NGDN: variants seen among roughly 807,000 people sequenced by gnomAD.
The protein encoded by NGDN is neuroguidin, also known as EIF4E-binding protein.
A neutral mutation model predicts 45.2 loss-of-function variants in NGDN; 41 were observed. The observed-to-expected ratio is 0.91, with a 90% CI of 0.71 to 1.18. NGDN has a LOEUF of 1.18. Among genes scored for constraint, NGDN ranks in the 50% most tolerant of loss-of-function variants. NGDN has a pLI of 0.00. For synonymous variants in NGDN, 137 were observed against 130.9 expected, an observed-to-expected ratio of 1.05 and a Z score of -0.32; for missense variants, 402 against 399.9, an observed-to-expected ratio of 1.01 and a Z score of -0.05.
At chr14:23,474,503 G>C (rs1310019557) in intron 3 of NGDN, among the ~76,000 whole-genome samples, 1 of 152,038 alleles carries the variant, frequency 6.6e-6, no homozygotes, top group Admixed American at 6.6e-5. Flanking sequence ...TCTCACCCTA[G>C]GGGTAGCAGT....
At chr14:23,469,855 C>G (rs1893731180) in intron 1 of NGDN, 128 bp downstream of exon 1, 2 of 1,349,030 alleles carry the variant, frequency 1.5e-6, no homozygotes, top group African/African-American at 2.9e-5. Flanking sequence ...GGCGGCCTCC[C>G]TAGAGTTACC....
At chr14:23,473,656 CTCTTAAA>C (rs1328658590) in intron 3 of NGDN, among the ~76,000 whole-genome samples, 2 of 152,038 alleles carry the variant, frequency 1.3e-5, no homozygotes, top group African/African-American at 2.4e-5. Flanking sequence ...GAAACCCCGT[CTCTTAAA>C]TCTTAAACAA....
chr14:23,473,991 C>G (rs1000677117), intron 3 of NGDN, among the ~76,000 whole-genome samples: 2 of 137,062 alleles, frequency 1.5e-5, no homozygotes, highest in Non-Finnish European at 3.0e-5. Context: ...TGAGCCGAGA[C>G]AGTGCCACTG....
Position 23,470,896 on chromosome 14 carries a change from C to G in NGDN, c.73-10C>G, listed in dbSNP as rs1437844897. 29 of 1,560,016 alleles carry G rather than the reference C, an allele frequency of 1.9e-5. No individual in the cohort carries two copies. The highest frequency in any genetic ancestry group is 2.2e-5 in the Non-Finnish European group (26 of 1,158,210). ...AATCTAATCACTTGTTTTATTTGGGCTAATTTCAGGTGATGGCTGTAACTG... is the reference window on the plus strand; with the variant it reads ...AATCTAATCACTTGTTTTATTTGGGGTAATTTCAGGTGATGGCTGTAACTG... On this transcript the variant is annotated splice_polypyrimidine_tract_variant and intron_variant, in intron 2 of 10. Transcript: ENST00000408901.
intron 1 of NGDN, 27 bp downstream of exon 1, chr14:23,469,754 C>G: frequency 6.2e-7 from 1 of 1,613,980 alleles, no homozygotes; most frequent in Non-Finnish European, 8.5e-7. Context: ...TTCTTCCTCG[C>G]GTAGCTATTG....
chr14:23,476,019 TC>T lies in NGDN; in HGVS notation c.421-9del. Reference sequence around the variant, plus strand: ...GCTTCCTAAATTTGCAGACATTGTTTCTTTTGTAGTTGAGCTCTGAGGATGA... The same window carrying T: ...GCTTCCTAAATTTGCAGACATTGTTTTTTTGTAGTTGAGCTCTGAGGATGA... On this transcript the variant is annotated splice_polypyrimidine_tract_variant and intron_variant, in intron 6 of 10. Transcript: ENST00000408901. 6.2e-6 allele frequency: 10 copies of T among 1,614,162 alleles called. No homozygotes were observed. The highest frequency in any genetic ancestry group is 7.6e-6 in the Non-Finnish European group (9 of 1,180,030).
At chr14:23,478,299 A>T (rs577597472), downstream of NGDN, 38 of 395,274 alleles carry the variant, frequency 9.6e-5, no homozygotes, top group Non-Finnish European at 1.4e-4. Flanking sequence ...GTTTTCTTTG[A>T]TAATATATTT....
Position 23,475,321 on chromosome 14 carries a change from T to C in NGDN, c.282+13T>C, listed in dbSNP as rs1388462733. The C allele has an allele frequency of 6.2e-7, 1 of 1,602,086 alleles. No individual in the cohort carries two copies. Among genetic ancestry groups the C allele is most frequent in the South Asian group, 1.1e-5 (1 of 88,722 alleles). Reference sequence around the variant, plus strand: ...GGAGATTCGCACGGTATGAAGCATTTGGCTTCTTGGAGTTTTAGGTTTCTA... The same window carrying C: ...GGAGATTCGCACGGTATGAAGCATTCGGCTTCTTGGAGTTTTAGGTTTCTA... On this transcript the variant is annotated intron_variant, in intron 4 of 10. Transcript: ENST00000408901.
chr14:23,472,016 C>T (rs1486017381), intron 3 of NGDN, among the ~76,000 whole-genome samples: 1 of 150,456 alleles, frequency 6.6e-6, no homozygotes, highest in Admixed American at 6.6e-5. Flanking sequence ...TGTGGTGAGA[C>T]CTATCTCTAT....
At chr14:23,474,274 G>A (rs1893848821) in intron 3 of NGDN, among the ~76,000 whole-genome samples, 1 of 152,056 alleles carries the variant, frequency 6.6e-6, no homozygotes, top group African/African-American at 2.4e-5. Context: ...GTATTACTGT[G>A]TTATCTTGGC....
chr14:23,469,949 GGA>G (rs1893733287), intron 1 of NGDN, 91 bp from the exon 2 acceptor site: 5 of 1,385,428 alleles, frequency 3.6e-6, no homozygotes, highest in Non-Finnish European at 5.1e-6. Context: ...GGTGTCTGAC[GGA>G]GAGAGGGCAG....
chr14:23,473,119 C>T (rs1294876344), intron 3 of NGDN, among the ~76,000 whole-genome samples: 2 of 152,200 alleles, frequency 1.3e-5, no homozygotes, highest in African/African-American at 4.8e-5. Flanking sequence ...CCTGCCTCAG[C>T]CTTCCGAGTA....
In NGDN at chr14:23,477,553, G is replaced by A; in HGVS notation, c.921G>A (p.Lys307=). 3 of 1,614,126 alleles carry A rather than the reference G, an allele frequency of 1.9e-6. No individual in the cohort carries two copies. The highest frequency in any genetic ancestry group is 2.5e-6 in the Non-Finnish European group (3 of 1,180,008). ...KRKKIPQKGR[K]KKGFRRRR is the part of the protein sequence containing the mutation. ...AGAAGATACCTCAGAAAGGTCGGAA[G>A]AAAAAAGGTCAGTGAACTGCTGGGA... Residue 307 remains lysine (K), a synonymous_variant, in exon 10 of 11, where the codon AAG becomes AAA. Coordinates refer to ENST00000408901, the MANE Select transcript of NGDN (RefSeq NM_001042635.2).
intron 10 of NGDN, 63 bp downstream of exon 10, chr14:23,477,623 T>C: frequency 1.9e-6 from 3 of 1,606,302 alleles, no homozygotes; most frequent in Non-Finnish European, 2.6e-6. Flanking sequence ...TTGAGTCTCT[T>C]TGGATTTGCC....
chr14:23,477,804 G>C (rs1010312404), intron 10 of NGDN: 31 of 1,459,392 alleles, frequency 2.1e-5, no homozygotes, highest in Non-Finnish European at 2.4e-5. Context: ...TCCCTAAATA[G>C]AACTGGTAAA....
chr14:23,474,336 A>G (rs1434305463), intron 3 of NGDN, among the ~76,000 whole-genome samples: 1 of 152,224 alleles, frequency 6.6e-6, no homozygotes, highest in Non-Finnish European at 1.5e-5. Flanking sequence ...GAAGTTTGGA[A>G]GATACATAAA....
chr14:23,470,969 A>G lies in NGDN; in HGVS notation c.136A>G (p.Thr46Ala). The G allele has an allele frequency of 4.5e-6, 7 of 1,545,712 alleles. No homozygotes were observed. The highest frequency in any genetic ancestry group is 2.5e-5 in the South Asian group (2 of 80,052). The change falls in exon 3 of 11, where the codon ACA becomes GCA. Residue 46 changes from threonine to alanine, a missense_variant. Coordinates refer to ENST00000408901, the MANE Select transcript of NGDN (RefSeq NM_001042635.2). ...TQKVQAGAYP[T>A]EKGLSFLEVK... ...AAAAGTTCAAGCTGGTGCCTATCCT[A>G]CAGAAAAGGTAAGATGTACTCAAAC...
At chr14:23,475,351 T>C in intron 4 of NGDN, 43 bp downstream of exon 4, 2 of 1,583,082 alleles carry the variant, frequency 1.3e-6, no homozygotes, top group Admixed American at 1.8e-5. Context: ...TTTCTAAATT[T>C]TGAGCTCCAA....
At chr14:23,477,831 C>T in intron 10 of NGDN, 176 bp from the exon 11 acceptor site, 1 of 1,479,642 alleles carries the variant, frequency 6.8e-7, no homozygotes, top group Non-Finnish European at 9.0e-7. Context: ...CTTGAAGGAA[C>T]CATTATCCCA....
Sources: allele counts gnomAD v4.1 joint callset (sites outside exome capture counted in the v4.1 genomes callset), GRCh38; gene constraint gnomAD v4.1.1; transcripts MANE v1.5; gene names NCBI Gene and HGNC (gene_info 2026-07-23, HGNC 2026-07-21).